The following CAPN14 variants were observed in gnomAD, a reference collection of about 807,000 sequenced individuals.
The protein encoded by CAPN14 is calpain 14.
CAPN14 carries 94 observed loss-of-function variants against 101.3 expected under a neutral mutation model. The ratio of observed to expected loss-of-function variants is 0.93; its 90% CI spans 0.79 to 1.10. CAPN14 has a LOEUF of 1.10. CAPN14 is among the 50% of genes least tolerant of loss of function. The probability of loss-of-function intolerance (pLI) is 0.00; values close to 1 mark genes in which losing one functional copy is unlikely to be tolerated. For synonymous variants in CAPN14, 338 were observed against 317.9 expected (o/e 1.06, Z -0.67); for missense variants, 837 against 828.4 (o/e 1.01, Z -0.13).
intron 7 of CAPN14, 149 bp downstream of exon 7, chr2:31,199,321 G>A (rs7602817): frequency 0.18 from 130,440 of 720,828 alleles, 13,119 homozygotes; most frequent in East Asian, 0.33. Flanking sequence ...CCACTTCACC[G>A]CAGGAAATAG....
intron 21 of CAPN14, 25 bp downstream of exon 21, chr2:31,176,562 G>C: frequency 6.5e-7 from 1 of 1,547,410 alleles, no homozygotes. Flanking sequence ...GATGACATGA[G>C]CCACCTCCTT....
At chr2:31,201,401 C>G (rs1265611071) in intron 5 of CAPN14, among the ~76,000 whole-genome samples, 2 of 152,156 alleles carry the variant, frequency 1.3e-5, no homozygotes, top group Non-Finnish European at 2.9e-5. Flanking sequence ...CACAGGGACC[C>G]AAGCAGGTGG....
intron 16 of CAPN14, 77 bp from the exon 17 acceptor site, chr2:31,181,077 T>G: frequency 2.5e-6 from 3 of 1,219,592 alleles, no homozygotes; most frequent in Non-Finnish European, 3.5e-6. Flanking sequence ...GAAGAGGCAG[T>G]GCTGCATGGG....
chr2:31,182,135 C>T (rs1297997205), intron 16 of CAPN14, among the ~76,000 whole-genome samples: 1 of 152,104 alleles, frequency 6.6e-6, no homozygotes, highest in Non-Finnish European at 1.5e-5. Flanking sequence ...AATTCAACAA[C>T]CTTTCATGCT....
Position 31,180,079 on chromosome 2 carries a change from C to T in CAPN14, c.1710+857G>A, listed in dbSNP as rs571310059. On this transcript the variant is annotated intron_variant, in intron 17 of 21. Coordinates refer to ENST00000403897, the MANE Select transcript of CAPN14 (RefSeq NM_001145122.2). ...GCCCAGATACCCCTACCATCAGAGA[C>T]ATTGGGTCAAAGTACCACCACACCC... Among the ~76,000 whole-genome samples, 187 of 152,264 alleles carry T rather than the reference C, an allele frequency of 1.2e-3. 5 individuals are homozygous for T. The South Asian group carries it at 0.038, about 31-fold the overall frequency.
At chr2:31,198,014 C>G (rs984890191) in intron 7 of CAPN14, among the ~76,000 whole-genome samples, 4 of 152,144 alleles carry the variant, frequency 2.6e-5, no homozygotes, top group Admixed American at 6.5e-5. Context: ...TTGTGGCAAC[C>G]CTAGGAAACC....
intron 16 of CAPN14, among the ~76,000 whole-genome samples, chr2:31,181,410 CTT>C (rs1318851656): frequency 7.1e-6 from 1 of 139,926 alleles, no homozygotes; most frequent in Non-Finnish European, 1.5e-5. Context: ...TTCTTTCTTT[CTT>C]TCTTTCTTTC....
intron 1 of CAPN14, among the ~76,000 whole-genome samples, chr2:31,207,536 G>A (rs568411754): frequency 1.3e-4 from 20 of 152,180 alleles, no homozygotes; most frequent in Admixed American, 7.9e-4. Flanking sequence ...GGGAAGCCAA[G>A]GTGGGCAAAT....
At chr2:31,204,610 A>G (rs1053245287) in intron 2 of CAPN14, among the ~76,000 whole-genome samples, 1 of 152,050 alleles carries the variant, frequency 6.6e-6, no homozygotes, top group African/African-American at 2.4e-5. Context: ...TAAAAACCCA[A>G]AAGGACAGGG....
chr2:31,197,129 A>T, intron 8 of CAPN14, 120 bp downstream of exon 8: 2 of 655,536 alleles, frequency 3.1e-6, no homozygotes, highest in Non-Finnish European at 5.4e-6. Flanking sequence ...TTCCCCGTCT[A>T]AAGGCTTCCT....
At chr2:31,229,054 T>C (rs897754749) in intron 1 of CAPN14, among the ~76,000 whole-genome samples, 1 of 152,228 alleles carries the variant, frequency 6.6e-6, no homozygotes, top group Admixed American at 6.5e-5. Flanking sequence ...TGCAGCAGGA[T>C]ATGCTTTTTA....
intron 1 of CAPN14, among the ~76,000 whole-genome samples, chr2:31,206,021 ATTTT>A (rs200116287): frequency 2.8e-5 from 3 of 108,750 alleles, no homozygotes; most frequent in South Asian, 3.2e-4. Flanking sequence ...CATTATCTTT[ATTTT>A]TTTTATTTAT....
intron 5 of CAPN14, 107 bp from the exon 6 acceptor site, chr2:31,200,732 C>G: frequency 9.0e-7 from 1 of 1,108,784 alleles, no homozygotes; most frequent in South Asian, 1.7e-5. Flanking sequence ...TTTCTCATAC[C>G]AAAAGCAGAG....
At chr2:31,181,096 T>A (rs1680571703) in intron 16 of CAPN14, 96 bp from the exon 17 acceptor site, 1 of 910,278 alleles carries the variant, frequency 1.1e-6, no homozygotes, top group Non-Finnish European at 1.7e-6. Flanking sequence ...GGCCAGCTGA[T>A]GACCACCATG....
At chr2:31,197,629 G>C (rs1681534511) in intron 7 of CAPN14, among the ~76,000 whole-genome samples, 1 of 152,210 alleles carries the variant, frequency 6.6e-6, no homozygotes, top group Non-Finnish European at 1.5e-5. Context: ...TGTACACTTA[G>C]AACCTGTGAA....
At chr2:31,181,527 ATT>A (rs1444368932) in intron 16 of CAPN14, among the ~76,000 whole-genome samples, 15 of 37,866 alleles carry the variant, frequency 4.0e-4, no homozygotes, top group African/African-American at 2.1e-3. Context: ...TTATTTTTTT[ATT>A]TTATTATTAT....
intron 19 of CAPN14, 107 bp from the exon 20 acceptor site, chr2:31,177,249 G>A: frequency 1.5e-6 from 1 of 661,828 alleles, no homozygotes; most frequent in East Asian, 2.9e-5. Context: ...CCTGAATCCT[G>A]ATAGCATGGA....
intron 16 of CAPN14, among the ~76,000 whole-genome samples, chr2:31,182,441 C>G (rs537796210): frequency 1.5e-4 from 22 of 142,438 alleles, no homozygotes; most frequent in South Asian, 9.0e-4. Flanking sequence ...AAACCCCATT[C>G]TCTCAGCCCA....
intron 6 of CAPN14, among the ~76,000 whole-genome samples, 197 bp from the exon 7 acceptor site, chr2:31,199,729 G>T (rs1052555972): frequency 3.0e-4 from 46 of 152,148 alleles, no homozygotes; most frequent in African/African-American, 1.0e-3. Flanking sequence ...GAGCCATTCT[G>T]CAGTGATCAT....
Sources: allele counts gnomAD v4.1 joint callset (sites outside exome capture counted in the v4.1 genomes callset), GRCh38; gene constraint gnomAD v4.1.1; transcripts MANE v1.5; gene names NCBI Gene and HGNC (gene_info 2026-07-23, HGNC 2026-07-21).